Variants in DGKB observed in about 807,000 individuals in gnomAD.
DGKB encodes the protein diacylglycerol kinase beta, also known as 90 kDa diacylglycerol kinase.
Under a neutral mutation model 114.3 loss-of-function variants are expected in DGKB, and 67 were observed. The observed-to-expected ratio is 0.59, with a 90% CI of 0.48 to 0.72. DGKB has a LOEUF of 0.72. Among genes scored for constraint, DGKB ranks in the 30% least tolerant of loss-of-function variants. The pLI, the probability that DGKB is intolerant of heterozygous loss-of-function variation, is 0.00. For missense variants in DGKB, 907 were observed against 975.2 expected (o/e 0.93, Z 0.93); for synonymous variants, 398 against 323.1 (o/e 1.23, Z -2.49).
intron 23 of DGKB, among the ~76,000 whole-genome samples, chr7:14,185,775 C>T (rs971656967): frequency 6.6e-6 from 1 of 152,122 alleles, no homozygotes; most frequent in African/African-American, 2.4e-5. Context: ...GGAAAGGACA[C>T]CCTTTTTAAC....
chr7:14,840,859 C>G (rs1847842234), intron 2 of DGKB, among the ~76,000 whole-genome samples: 1 of 151,868 alleles, frequency 6.6e-6, no homozygotes, highest in Non-Finnish European at 1.5e-5. Context: ...CCCGTTTGTC[C>G]TTCTCCCTGT....
upstream of DGKB, chr7:14,903,212 AGTGTGTGTGTGTGTGTGT>A (rs34367492): frequency 2.2e-5 from 3 of 137,406 alleles, no homozygotes; most frequent in Non-Finnish European, 1.6e-5. Flanking sequence ...AAGTCTGTGC[AGTGTGTGTGTGTGTGTGT>A]GTGTGTGTGT....
At chr7:14,314,554 A>C (rs541807356) in intron 23 of DGKB, among the ~76,000 whole-genome samples, 1 of 152,214 alleles carries the variant, frequency 6.6e-6, no homozygotes, top group East Asian at 1.9e-4. Context: ...GAAATGAATG[A>C]AATGAAGGGA....
At chr7:14,567,476 A>ATATATAATTATATAAT (rs1797722481) in intron 20 of DGKB, among the ~76,000 whole-genome samples, 1 of 75,946 alleles carries the variant, frequency 1.3e-5, no homozygotes, top group African/African-American at 5.7e-5. Flanking sequence ...TTTATATATT[A>ATATATAATTATATAAT]TATATATTTA....
At chr7:14,734,290 C>G (rs1831379995) in intron 5 of DGKB, among the ~76,000 whole-genome samples, 1 of 152,004 alleles carries the variant, frequency 6.6e-6, no homozygotes, top group African/African-American at 2.4e-5. Flanking sequence ...CTGTCCACCT[C>G]AGCCTCCGAA....
chr7:14,707,876 A>C (rs2129023790), intron 6 of DGKB, among the ~76,000 whole-genome samples: 1 of 18,782 alleles, frequency 5.3e-5, no homozygotes, highest in African/African-American at 2.2e-4. Flanking sequence ...GAATGGGCAA[A>C]AACTGGAAGC....
At chr7:14,929,404 G>A (rs975929567) in intron 1 of DGKB, among the ~76,000 whole-genome samples, 6 of 151,960 alleles carry the variant, frequency 3.9e-5, no homozygotes, top group South Asian at 2.1e-4. Flanking sequence ...GTTATTTTTT[G>A]ATGTGTTAAT....
At chr7:14,633,929 CTT>C (rs2128856347) in intron 13 of DGKB, among the ~76,000 whole-genome samples, 1 of 151,430 alleles carries the variant, frequency 6.6e-6, no homozygotes, top group Admixed American at 6.6e-5. Flanking sequence ...TAGGATATCT[CTT>C]GTCTTCATAT....
chr7:14,529,458 C>G (rs1791198228), intron 20 of DGKB, among the ~76,000 whole-genome samples: 1 of 151,478 alleles, frequency 6.6e-6, no homozygotes, highest in South Asian at 2.1e-4. Flanking sequence ...AATATGAGCC[C>G]TGAAATAAAG....
chr7:14,821,845 G>A (rs1844982178), intron 2 of DGKB, among the ~76,000 whole-genome samples: 1 of 152,184 alleles, frequency 6.6e-6, no homozygotes, highest in Non-Finnish European at 1.5e-5. Context: ...GGATCCTGTG[G>A]TAGTTCAGGA....
intron 21 of DGKB, among the ~76,000 whole-genome samples, chr7:14,400,905 G>T (rs1823003981): frequency 6.6e-6 from 1 of 151,722 alleles, no homozygotes; most frequent in Non-Finnish European, 1.5e-5. Context: ...TCAGTGGGGG[G>T]TCCAGAGATT....
intron 15 of DGKB, among the ~76,000 whole-genome samples, chr7:14,616,190 T>C (rs1806477561): frequency 6.8e-6 from 1 of 147,798 alleles, no homozygotes; most frequent in South Asian, 2.1e-4. Flanking sequence ...TTCTCTCGTA[T>C]ATACATATAT....
chr7:14,197,694 T>C (rs1313269703), intron 23 of DGKB, among the ~76,000 whole-genome samples: 14 of 152,176 alleles, frequency 9.2e-5, no homozygotes, highest in Admixed American at 9.2e-4. Flanking sequence ...CTATTATTTT[T>C]TCTTTTAGGT....
intron 25 of DGKB, among the ~76,000 whole-genome samples, chr7:14,170,197 G>GAAATAAAT (rs1398270723): frequency 2.9e-5 from 4 of 138,122 alleles, no homozygotes; most frequent in Admixed American, 7.3e-5. Context: ...AAGAAAGAAA[G>GAAATAAAT]AAAGAAATAC....
intron 1 of DGKB, among the ~76,000 whole-genome samples, chr7:14,910,981 C>A (rs534158251): frequency 5.3e-5 from 8 of 152,116 alleles, no homozygotes; most frequent in African/African-American, 1.9e-4. Context: ...TGTAATCTAT[C>A]TCAAGCACAT....
chr7:14,669,688 C>T (rs2128941536), intron 13 of DGKB, among the ~76,000 whole-genome samples: 1 of 152,228 alleles, frequency 6.6e-6, no homozygotes, highest in Admixed American at 6.5e-5. Context: ...TATCAAAGTC[C>T]ATTGTTTTGG....
chr7:14,956,955 C>T (rs1289676331), intron 1 of DGKB, among the ~76,000 whole-genome samples: 1 of 151,844 alleles, frequency 6.6e-6, no homozygotes, highest in East Asian at 1.9e-4. Context: ...CCAACCCAAC[C>T]TTCACATATC....
At chr7:14,358,880 T>C (rs910908107) in intron 21 of DGKB, among the ~76,000 whole-genome samples, 2 of 152,114 alleles carry the variant, frequency 1.3e-5, no homozygotes, top group Non-Finnish European at 2.9e-5. Flanking sequence ...CCCAAGGTAA[T>C]TTATAGATTC....
chr7:14,534,502 A>C (rs942840608), intron 20 of DGKB, among the ~76,000 whole-genome samples: 1 of 152,136 alleles, frequency 6.6e-6, no homozygotes, highest in African/African-American at 2.4e-5. Flanking sequence ...ATCAAAAGAC[A>C]TAGAGTAGAT....
Sources: allele counts gnomAD v4.1 joint callset (sites outside exome capture counted in the v4.1 genomes callset), GRCh38; gene constraint gnomAD v4.1.1; transcripts MANE v1.5; gene names NCBI Gene and HGNC (gene_info 2026-07-23, HGNC 2026-07-21).